AOPEP: variants seen among roughly 807,000 people sequenced by gnomAD.
AOPEP encodes aminopeptidase O.
In AOPEP, 77 loss-of-function variants were observed where a neutral mutation model predicts 98.1. The ratio of observed to expected loss-of-function variants is 0.78; its 90% CI spans 0.65 to 0.95. The LOEUF (loss-of-function observed/expected upper bound fraction) is 0.95, where lower values mean the gene tolerates loss of function less well. AOPEP is among the 40% of genes least tolerant of loss of function. The probability of loss-of-function intolerance (pLI) is 0.00; values close to 1 mark genes in which losing one functional copy is unlikely to be tolerated. For missense variants in AOPEP, 1,024 were observed against 1,024.7 expected (o/e 1.00, Z 0.01); for synonymous variants, 346 against 365.3 (o/e 0.95, Z 0.60).
intron 9 of AOPEP, among the ~76,000 whole-genome samples, chr9:94,958,459 A>T (rs1434602394): frequency 7.9e-5 from 12 of 152,226 alleles, no homozygotes; most frequent in Non-Finnish European, 5.9e-5. Context: ...TTGTTGAAGA[A>T]TTGCCATACT....
chr9:95,139,998 A>C, the AOPEP span, among the ~76,000 whole-genome samples: 133 of 151,978 alleles, frequency 8.8e-4, no homozygotes, highest in African/African-American at 3.1e-3. Flanking sequence ...TCTTCTCTAT[A>C]ATGGTTCCAT....
At chr9:95,093,561 C>A in the AOPEP span, among the ~76,000 whole-genome samples, 1 of 152,110 alleles carries the variant, frequency 6.6e-6, no homozygotes, top group Non-Finnish European at 1.5e-5. Flanking sequence ...TCTCATAGAT[C>A]ACACATGCAA....
At chr9:95,005,424 C>T (rs1464491365) in intron 12 of AOPEP, 118 bp from the exon 13 acceptor site, 8 of 1,104,082 alleles carry the variant, frequency 7.2e-6, no homozygotes, top group Non-Finnish European at 1.1e-5. Flanking sequence ...CGCGGGTGGC[C>T]TCCCGAGGTG....
At chr9:94,793,532 C>T (rs1321362034) in intron 4 of AOPEP, among the ~76,000 whole-genome samples, 2 of 151,310 alleles carry the variant, frequency 1.3e-5, no homozygotes, top group Non-Finnish European at 2.9e-5. Context: ...CAGAAATTAG[C>T]TGGGCATGGT....
chr9:94,929,502 A>G (rs1444873761), intron 7 of AOPEP, among the ~76,000 whole-genome samples: 1 of 152,276 alleles, frequency 6.6e-6, no homozygotes, highest in East Asian at 1.9e-4. Context: ...CCCTTCCCAC[A>G]GCAAAGTTCC....
intron 7 of AOPEP, among the ~76,000 whole-genome samples, chr9:94,942,157 T>C (rs1273717090): frequency 6.6e-6 from 1 of 152,194 alleles, no homozygotes; most frequent in African/African-American, 2.4e-5. Context: ...TTCACTCTTA[T>C]TTTGCCCATC....
At chr9:94,970,695 G>T (rs75208852) in intron 10 of AOPEP, among the ~76,000 whole-genome samples, 11,479 of 150,022 alleles carry the variant, frequency 0.077, 1,091 homozygotes, top group African/African-American at 0.22. Context: ...TTTCAGATTT[G>T]CTGTCTTGAA....
In AOPEP at chr9:94,879,773, C is replaced by T. The variant is rs72748530; in HGVS notation, c.1365-44213C>T. 5.3e-5 allele frequency among the ~76,000 whole-genome samples: 8 copies of T among 152,142 alleles called. No homozygotes were observed. In the East Asian group the frequency reaches 7.7e-4, roughly 15 times the overall value. The stretch of plus-strand genomic sequence containing the variant: ...TATCTGAAGTTTTTATTGTTTTCCT[C>T]GGATTATGAGTTTGGTAAATCAAAC... On this transcript the variant is annotated intron_variant, in intron 5 of 16. Transcript: ENST00000375315.
At chr9:95,092,835 C>A in the AOPEP span, among the ~76,000 whole-genome samples, 1 of 152,234 alleles carries the variant, frequency 6.6e-6, no homozygotes, top group East Asian at 1.9e-4. Context: ...ACGCTCATGG[C>A]GAGCTCTGAA....
At chr9:95,072,270 A>T (rs562302459) in intron 14 of AOPEP, among the ~76,000 whole-genome samples, 1 of 152,372 alleles carries the variant, frequency 6.6e-6, no homozygotes, top group South Asian at 2.1e-4. Context: ...CAAAAGGCCA[A>T]AAGTGCTCAA....
At chr9:94,792,946 G>GA (rs55826214) in intron 4 of AOPEP, 28 bp downstream of exon 4, 168,960 of 1,076,986 alleles carry the variant, frequency 0.16, 1,136 homozygotes, top group African/African-American at 0.28. Flanking sequence ...TGCTGGGAAG[G>GA]AAAAAAAAAA....
intron 3 of AOPEP, among the ~76,000 whole-genome samples, chr9:94,779,326 C>T (rs1842804894): frequency 6.6e-6 from 1 of 152,194 alleles, no homozygotes; most frequent in African/African-American, 2.4e-5. Flanking sequence ...ATAACTCCAC[C>T]TCCCAAGATG....
chr9:94,798,235 C>T lies in AOPEP; in HGVS notation c.1119-2522C>T, dbSNP rs187619767. Among the ~76,000 whole-genome samples the T allele has an allele frequency of 5.8e-3, 877 of 152,330 alleles. 90 individuals are homozygous for T. The South Asian group carries it at 0.17, about 30-fold the overall frequency. ...ATTTCTATGGGAGCCTTACCCTTCT[C>T]ACCTGGTCAGAGCTTGATTGCCTTA... is the stretch of plus-strand genomic sequence containing the variant. On this transcript the variant is annotated intron_variant, in intron 4 of 16. Coordinates refer to ENST00000375315, the MANE Select transcript of AOPEP (RefSeq NM_001193329.3).
At chr9:95,037,757 G>C (rs2064954845) in intron 13 of AOPEP, among the ~76,000 whole-genome samples, 1 of 152,176 alleles carries the variant, frequency 6.6e-6, no homozygotes, top group Admixed American at 6.5e-5. Context: ...GAAGGGCCAT[G>C]CTTACTCCTG....
At chr9:95,125,301 G>GT in the AOPEP span, 1 of 775,654 alleles carries the variant, frequency 1.3e-6, no homozygotes. Flanking sequence ...AGCTTCAGCA[G>GT]TATCTCAACT....
the AOPEP span, chr9:95,135,307 C>T: frequency 1.9e-6 from 3 of 1,603,826 alleles, no homozygotes; most frequent in South Asian, 1.1e-5. Context: ...CAAGCATCTC[C>T]TTCAAGGATT....
At chr9:94,961,961 T>G (rs943046808) in intron 9 of AOPEP, among the ~76,000 whole-genome samples, 1 of 152,252 alleles carries the variant, frequency 6.6e-6, no homozygotes, top group Non-Finnish European at 1.5e-5. Context: ...CTTTTCCAAC[T>G]TGTGCTATGC....
At chr9:94,866,653 A>C (rs551863892) in intron 5 of AOPEP, among the ~76,000 whole-genome samples, 41 of 152,334 alleles carry the variant, frequency 2.7e-4, no homozygotes, top group Admixed American at 4.6e-4. Context: ...CAGTATATAG[A>C]ATTGTAGGAT....
intron 7 of AOPEP, among the ~76,000 whole-genome samples, chr9:94,939,903 A>G (rs79305478): frequency 0.019 from 2,877 of 152,264 alleles, 98 homozygotes; most frequent in African/African-American, 0.066. Flanking sequence ...GGTTGGTTGA[A>G]TCTGCAGCTG....
Sources: allele counts gnomAD v4.1 joint callset (sites outside exome capture counted in the v4.1 genomes callset), GRCh38; gene constraint gnomAD v4.1.1; transcripts MANE v1.5; gene names NCBI Gene and HGNC (gene_info 2026-07-23, HGNC 2026-07-21).